Variants in OLA1 observed in about 807,000 individuals in gnomAD.
OLA1 encodes obg-like ATPase 1.
In OLA1, 14 loss-of-function variants were observed where a neutral mutation model predicts 48.4. The ratio of observed to expected loss-of-function variants is 0.29; its 90% confidence interval spans 0.19 to 0.45. The LOEUF (loss-of-function observed/expected upper bound fraction) is 0.45, where lower values mean the gene tolerates loss of function less well. OLA1 is among the 20% of genes least tolerant of loss of function. The pLI is 1.00. For synonymous variants in OLA1, 127 were observed against 150.4 expected (o/e 0.84, Z 1.14); for missense variants, 325 against 467.1 (o/e 0.70, Z 2.80).
At chr2:174,088,202 C>T (rs1685027190) in intron 7 of OLA1, among the ~76,000 whole-genome samples, 1 of 152,180 alleles carries the variant, frequency 6.6e-6, no homozygotes, top group African/African-American at 2.4e-5. Flanking sequence ...AAGCTAGCTC[C>T]CCTCATGTTG....
chr2:174,244,354 T>C (rs1427097481), intron 2 of OLA1, among the ~76,000 whole-genome samples: 1 of 152,322 alleles, frequency 6.6e-6, no homozygotes, highest in East Asian at 1.9e-4. Context: ...GGGGAAAGCA[T>C]TTTATTTAAA....
At chr2:174,137,087 T>C (rs1181520373) in intron 5 of OLA1, among the ~76,000 whole-genome samples, 1 of 152,232 alleles carries the variant, frequency 6.6e-6, no homozygotes, top group Non-Finnish European at 1.5e-5. Flanking sequence ...GAAATGTATT[T>C]CTTAAATAAT....
rs898350143 is a variant in OLA1 at position 174,081,974 on chromosome 2, T to A, written c.819A>T (p.Glu273Asp). The A allele has an allele frequency of 4.3e-6, 7 of 1,613,128 alleles. No individual in the cohort carries two copies. The highest frequency in any genetic ancestry group is 5.9e-6 in the Non-Finnish European group (7 of 1,179,460). ...ACTTCTGTCTCTCCTCAGCACTCAA[T>A]TCTTGCAACTTGAGTTCCAAGGCCC... ...FSGALELKLQ[E>D]LSAEERQKYL... The change falls in exon 8 of 11, where the codon GAA becomes GAT. Residue 273 changes from glutamate (E) to aspartate (D), a missense_variant. Glu to Asp is a conservative substitution (Grantham distance 45). Transcript: ENST00000284719.
At chr2:174,130,171 A>G (rs1258618192) in intron 5 of OLA1, among the ~76,000 whole-genome samples, 1 of 152,208 alleles carries the variant, frequency 6.6e-6, no homozygotes, top group Non-Finnish European at 1.5e-5. Context: ...GATGTTTGGG[A>G]TCTCTCTGAA....
intron 6 of OLA1, 34 bp from the exon 7 acceptor site, chr2:174,123,311 A>G (rs756132217): frequency 2.0e-6 from 2 of 993,608 alleles, no homozygotes; most frequent in Admixed American, 5.1e-5. Flanking sequence ...ATCCCTTTTA[A>G]AAGTTTAGTA....
chr2:174,115,244 T>C (rs1036252558), intron 7 of OLA1, among the ~76,000 whole-genome samples: 2 of 152,254 alleles, frequency 1.3e-5, no homozygotes, highest in Non-Finnish European at 2.9e-5. Context: ...GCTGCTGTTA[T>C]TTCTTAATAA....
At chr2:174,242,352 C>T (rs923106151) in intron 2 of OLA1, among the ~76,000 whole-genome samples, 1 of 152,230 alleles carries the variant, frequency 6.6e-6, no homozygotes, top group African/African-American at 2.4e-5. Flanking sequence ...GCCTGCGCTC[C>T]TCTGAGAATC....
chr2:174,168,993 C>G (rs1687235589), intron 4 of OLA1, among the ~76,000 whole-genome samples: 1 of 151,866 alleles, frequency 6.6e-6, no homozygotes, highest in Non-Finnish European at 1.5e-5. Context: ...GAGTCTCGCC[C>G]TGTTGCCCAG....
intron 7 of OLA1, among the ~76,000 whole-genome samples, chr2:174,099,386 A>T (rs1370868786): frequency 6.6e-6 from 1 of 152,002 alleles, no homozygotes; most frequent in African/African-American, 2.4e-5. Context: ...GATCTCTTGA[A>T]CTTATGATCC....
chr2:174,215,408 T>G (rs1030153965), intron 4 of OLA1, among the ~76,000 whole-genome samples: 3 of 152,220 alleles, frequency 2.0e-5, no homozygotes, highest in African/African-American at 7.2e-5. Flanking sequence ...AGTTCATCCT[T>G]GAACTTAGGT....
At chr2:174,205,937 C>T (rs897868649) in intron 4 of OLA1, among the ~76,000 whole-genome samples, 1 of 152,206 alleles carries the variant, frequency 6.6e-6, no homozygotes, top group African/African-American at 2.4e-5. Context: ...CCCTGCCTTT[C>T]CTTCAACTGC....
chr2:174,167,292 T>C (rs1484487649), intron 4 of OLA1, among the ~76,000 whole-genome samples: 1 of 152,198 alleles, frequency 6.6e-6, no homozygotes, highest in Non-Finnish European at 1.5e-5. Context: ...ATACAATCCT[T>C]AGCCCAGGCG....
At chr2:174,204,649 T>C (rs1015874596) in intron 4 of OLA1, among the ~76,000 whole-genome samples, 11 of 152,158 alleles carry the variant, frequency 7.2e-5, no homozygotes, top group Middle Eastern at 3.4e-3. Flanking sequence ...TCGTACACCA[T>C]TGAGACAATG....
intron 7 of OLA1, among the ~76,000 whole-genome samples, chr2:174,098,951 A>AT (rs915964924): frequency 3.2e-4 from 49 of 151,018 alleles, no homozygotes; most frequent in South Asian, 6.3e-4. Flanking sequence ...CTTCAAAGGC[A>AT]TTTTTTTTTC....
chr2:174,184,303 T>C (rs139337906), intron 4 of OLA1, among the ~76,000 whole-genome samples: 77 of 152,310 alleles, frequency 5.1e-4, no homozygotes, highest in African/African-American at 1.6e-3. Flanking sequence ...ACTAATGGCA[T>C]GTAGTTATCA....
intron 5 of OLA1, 96 bp downstream of exon 5, chr2:174,141,729 A>G: frequency 2.1e-6 from 2 of 960,090 alleles, no homozygotes; most frequent in Non-Finnish European, 1.5e-6. Flanking sequence ...CTAAAATTCC[A>G]TAACAATATT....
chr2:174,164,056 A>G (rs1687098175), intron 4 of OLA1, among the ~76,000 whole-genome samples: 1 of 151,604 alleles, frequency 6.6e-6, no homozygotes, highest in African/African-American at 2.4e-5. Flanking sequence ...AGTTCACACA[A>G]GATGTGATGG....
chr2:174,164,760 A>G (rs1005458029), intron 4 of OLA1, among the ~76,000 whole-genome samples: 1 of 152,066 alleles, frequency 6.6e-6, no homozygotes, highest in Non-Finnish European at 1.5e-5. Context: ...CTCCCCAACT[A>G]CTGCTTAGGA....
At chr2:174,132,238 T>C (rs961898486) in intron 5 of OLA1, among the ~76,000 whole-genome samples, 2 of 152,098 alleles carry the variant, frequency 1.3e-5, no homozygotes, top group African/African-American at 2.4e-5. Flanking sequence ...CTTTTCTTTT[T>C]CCCCGTTCAC....
Sources: allele counts gnomAD v4.1 joint callset (sites outside exome capture counted in the v4.1 genomes callset), GRCh38; gene constraint gnomAD v4.1.1; transcripts MANE v1.5; gene names NCBI Gene and HGNC (gene_info 2026-07-23, HGNC 2026-07-21).